Variants in CPLX1 observed in about 807,000 individuals in gnomAD.
CPLX1 encodes the protein complexin-1.
CPLX1 carries 6 observed loss-of-function variants against 15.6 expected under a neutral mutation model. The observed-to-expected ratio is 0.39, with a 90% CI of 0.21 to 0.76. The LOEUF (loss-of-function observed/expected upper bound fraction) is 0.76, where lower values mean the gene tolerates loss of function less well. CPLX1 is among the 30% of genes least tolerant of loss of function. CPLX1 has a pLI of 0.43. For missense variants in CPLX1, 242 were observed against 188.6 expected, an observed-to-expected ratio of 1.28 and a Z score of -1.66; for synonymous variants, 91 against 75.2, an observed-to-expected ratio of 1.21 and a Z score of -1.08.
In CPLX1 at chr4:800,734, A is replaced by T. The variant is rs13150207; in HGVS notation, c.32-8126T>A. 7.1e-3 allele frequency among the ~76,000 whole-genome samples: 634 copies of T among 88,762 alleles called. 10 individuals carry two copies. Among genetic ancestry groups the T allele is most frequent in the African/African-American group, 0.027 (583 of 21,230 alleles). The allele number at this position is 88,762 out of a possible 152,430, so 58.2% of individuals were successfully genotyped here. On this transcript the variant is annotated intron_variant, in intron 2 of 3. Transcript: ENST00000304062. Reference sequence around the variant, plus strand: ...AAACCCCGTCTCTACTAAAAAAAAAAATATATATATATATATATATACACA... The same window carrying T: ...AAACCCCGTCTCTACTAAAAAAAAATATATATATATATATATATATACACA...
chr4:821,573 C>T (rs1364877486), intron 2 of CPLX1, among the ~76,000 whole-genome samples: 1 of 152,234 alleles, frequency 6.6e-6, no homozygotes, highest in Non-Finnish European at 1.5e-5. Context: ...TGCCACGTTC[C>T]TCCACGCTGT....
At chr4:812,668 CAAG>C (rs1746684666) in intron 2 of CPLX1, among the ~76,000 whole-genome samples, 2 of 151,930 alleles carry the variant, frequency 1.3e-5, no homozygotes, top group African/African-American at 2.4e-5. Context: ...GAGCAAAACT[CAAG>C]AATATACTTA....
At position 786,671 on chromosome 4, in the gene CPLX1, C is replaced by T; in HGVS notation, c.235G>A (p.Glu79Lys). The T allele has an allele frequency of 1.2e-6, 2 of 1,609,822 alleles. No homozygotes were observed. Among genetic ancestry groups the T allele is most frequent in the African/African-American group, 1.3e-5 (1 of 74,724 alleles). The part of the protein sequence containing the change: ...KYGIKKKEER[E>K]AEAQAAMEAN... ...TCCATGGCGGCCTGGGCCTCGGCCT[C>T]GCGCTCCTCCTTCTTCTTGATGCCG... Residue 79 changes from glutamate to lysine, a missense_variant, in exon 4 of 4, where the codon GAG (glutamate) becomes AAG (lysine). By Grantham distance (56) the Glu-to-Lys change is moderately conservative. Coordinates refer to ENST00000304062, the MANE Select transcript of CPLX1 (RefSeq NM_006651.4).
intron 2 of CPLX1, among the ~76,000 whole-genome samples, chr4:810,043 CTTT>C (rs1560244364): frequency 7.3e-6 from 1 of 136,806 alleles, no homozygotes; most frequent in Non-Finnish European, 1.6e-5. Flanking sequence ...TGGATCTGCA[CTTT>C]CTTTTTTTTT....
chr4:812,237 G>C (rs1164626059), intron 2 of CPLX1, among the ~76,000 whole-genome samples: 1 of 151,932 alleles, frequency 6.6e-6, no homozygotes, highest in East Asian at 1.9e-4. Context: ...ACCACGCCCC[G>C]CTAAATTTTT....
At chr4:821,437 C>T (rs1295673154) in intron 2 of CPLX1, among the ~76,000 whole-genome samples, 4 of 152,162 alleles carry the variant, frequency 2.6e-5, no homozygotes, top group East Asian at 1.9e-4. Flanking sequence ...CACACATTCC[C>T]GAGGACCTGA....
At chr4:798,066 G>A (rs1463393867) in intron 2 of CPLX1, among the ~76,000 whole-genome samples, 1 of 152,186 alleles carries the variant, frequency 6.6e-6, no homozygotes, top group Non-Finnish European at 1.5e-5. Context: ...CCTGAGCTCA[G>A]GAGTTCAAGA....
chr4:801,772 C>T (rs993118498), intron 2 of CPLX1, among the ~76,000 whole-genome samples: 7 of 152,168 alleles, frequency 4.6e-5, no homozygotes, highest in Non-Finnish European at 7.3e-5. Context: ...CATGACTGCA[C>T]GAAAAGACAC....
intron 2 of CPLX1, among the ~76,000 whole-genome samples, chr4:799,047 C>T (rs1447509255): frequency 6.6e-6 from 1 of 152,220 alleles, no homozygotes; most frequent in African/African-American, 2.4e-5. Flanking sequence ...ACTCCCATGG[C>T]CCTTGTTATA....
In CPLX1 at chr4:786,155, G is replaced by T. The variant is rs1238458570; in HGVS notation, c.*346C>A. ...TGTGCTCCTGAGTGCGGGCCCGACA[G>T]GCGCCCACCGCCGCGAACGCGCGCA... On this transcript the variant is annotated 3_prime_UTR_variant, in exon 4 of 4. Coordinates refer to ENST00000304062, the MANE Select transcript of CPLX1 (RefSeq NM_006651.4). 5.6e-6 allele frequency: 1 copy of T among 177,398 alleles called. No homozygotes were observed. The highest frequency in any genetic ancestry group is 2.4e-5 in the African/African-American group (1 of 42,440). 11.0% of individuals were successfully genotyped at this position (177,398 alleles called of 1,614,324 possible). A position where few individuals can be genotyped will look rare whatever the true frequency, so the allele number is the denominator to read the frequency against.
chr4:803,052 CCTT>C (rs1340785015), intron 2 of CPLX1, among the ~76,000 whole-genome samples: 1 of 151,930 alleles, frequency 6.6e-6, no homozygotes, highest in Non-Finnish European at 1.5e-5. Context: ...AATTCATAGT[CCTT>C]CATTTTAAGG....
At chr4:788,324 G>C in intron 3 of CPLX1, 1 of 985,456 alleles carries the variant, frequency 1.0e-6, no homozygotes, top group Non-Finnish European at 1.2e-6. Context: ...CCCTAGGGCT[G>C]CAGGTGGCTC....
At chr4:804,784 A>G (rs555408996) in intron 2 of CPLX1, 22 of 985,422 alleles carry the variant, frequency 2.2e-5, no homozygotes, top group Non-Finnish European at 2.5e-5. Flanking sequence ...GTGCCTGCAG[A>G]GTCCCAGAGA....
chr4:788,072 CGGA>C, intron 3 of CPLX1: 1 of 985,396 alleles, frequency 1.0e-6, no homozygotes. Context: ...CTCTACAGGA[CGGA>C]GGAGCACACC....
intron 3 of CPLX1, 196 bp from the exon 4 acceptor site, chr4:786,894 A>G: frequency 4.1e-6 from 4 of 980,814 alleles, no homozygotes; most frequent in Non-Finnish European, 4.8e-6. Context: ...GCCCCCACGG[A>G]GAATGGGGGC....
Position 798,447 on chromosome 4 carries a change from C to T in CPLX1, c.32-5839G>A, listed in dbSNP as rs1296320944. On this transcript the variant is annotated intron_variant, in intron 2 of 3. Coordinates refer to ENST00000304062, the MANE Select transcript of CPLX1 (RefSeq NM_006651.4). ...TCTTTTCTTAGACAGGGTCTTGCTCCGTTGCCCAGGCTGCAATGCAGAGGC... is the reference window on the plus strand; with the variant it reads ...TCTTTTCTTAGACAGGGTCTTGCTCTGTTGCCCAGGCTGCAATGCAGAGGC... Among the ~76,000 whole-genome samples, 8 of 152,146 alleles carry T rather than the reference C, an allele frequency of 5.3e-5. No homozygotes were observed. In the South Asian group the frequency reaches 6.2e-4, roughly 12 times the overall value.
At chr4:816,806 A>G (rs1034345027) in intron 2 of CPLX1, among the ~76,000 whole-genome samples, 5 of 152,194 alleles carry the variant, frequency 3.3e-5, no homozygotes, top group African/African-American at 4.8e-5. Context: ...TGGGCGACAG[A>G]GCGAGACCCT....
At chr4:806,581 G>T (rs1450992412) in intron 2 of CPLX1, among the ~76,000 whole-genome samples, 1 of 149,354 alleles carries the variant, frequency 6.7e-6, no homozygotes, top group Non-Finnish European at 1.5e-5. Context: ...CATAGCAAAA[G>T]AAACTATCAT....
At chr4:823,525 G>A (rs180814137) in intron 2 of CPLX1, among the ~76,000 whole-genome samples, 20 of 152,326 alleles carry the variant, frequency 1.3e-4, no homozygotes, top group African/African-American at 3.8e-4. Context: ...GTGCTCCCCC[G>A]TGGAGGCCAC....
Sources: allele counts gnomAD v4.1 joint callset (sites outside exome capture counted in the v4.1 genomes callset), GRCh38; gene constraint gnomAD v4.1.1; transcripts MANE v1.5; gene names NCBI Gene and HGNC (gene_info 2026-07-23, HGNC 2026-07-21).